EDA: variants seen among roughly 807,000 people sequenced by gnomAD.
The protein encoded by EDA is ectodysplasin A, also known as ectodysplasin-A.
A neutral mutation model predicts 23.6 loss-of-function variants in EDA; 2 were observed. That is an observed-to-expected ratio of 0.08 (90% CI 0.03 to 0.27). The LOEUF is 0.27. Among genes scored for constraint, EDA ranks in the 10% least tolerant of loss-of-function variants. The pLI is 1.00. For missense variants in EDA, 229 were observed against 324.2 expected (o/e 0.71, Z 2.26); for synonymous variants, 131 against 132.0 (o/e 0.99, Z 0.05).
chrX:69,981,443 T>C (rs775155741), intron 2 of EDA, among the ~76,000 whole-genome samples: 1 of 107,601 alleles, frequency 9.3e-6, no homozygotes, highest in South Asian at 4.4e-4. Context: ...GGATTAGAGA[T>C]AGTAAGTAAT....
intron 2 of EDA, among the ~76,000 whole-genome samples, chrX:70,000,634 T>C (rs1275269563): frequency 8.9e-6 from 1 of 112,410 alleles, no homozygotes; most frequent in Non-Finnish European, 1.9e-5. Context: ...TATATGGTTA[T>C]AGAATTTTGC....
At chrX:69,777,274 G>T (rs1352975104) in intron 1 of EDA, among the ~76,000 whole-genome samples, 3 of 110,170 alleles carry the variant, frequency 2.7e-5, no homozygotes, top group African/African-American at 9.9e-5. Flanking sequence ...GTGGGTAGGT[G>T]AGTATTTTGT....
At chrX:69,773,687 C>T (rs1051889337) in intron 1 of EDA, among the ~76,000 whole-genome samples, 1 of 111,532 alleles carries the variant, frequency 9.0e-6, no homozygotes, top group African/African-American at 3.3e-5. Context: ...AGATGTTGCA[C>T]ATCTTTTCAT....
At chrX:69,790,499 G>A (rs1373491661) in intron 1 of EDA, among the ~76,000 whole-genome samples, 3 of 111,779 alleles carry the variant, frequency 2.7e-5, no homozygotes, top group Non-Finnish European at 5.6e-5. Context: ...GACCCACTCA[G>A]TGACTGAAAT....
chrX:69,706,899 G>A (rs2011749062), intron 1 of EDA, among the ~76,000 whole-genome samples: 1 of 111,556 alleles, frequency 9.0e-6, no homozygotes, highest in African/African-American at 3.3e-5. Context: ...GCCTGGACCA[G>A]TCTCTCAGGT....
At chrX:69,829,417 T>G (rs1439589729) in intron 1 of EDA, among the ~76,000 whole-genome samples, 2 of 112,352 alleles carry the variant, frequency 1.8e-5, no homozygotes, top group African/African-American at 6.5e-5. Flanking sequence ...AAGTGGTCCT[T>G]TTTCTGTTAC....
chrX:70,028,167 T>G, intron 4 of EDA, 131 bp downstream of exon 4: 3 of 1,058,796 alleles, frequency 2.8e-6, no homozygotes, highest in Non-Finnish European at 3.7e-6. Context: ...GCAGATCTCC[T>G]AGCCCAGTGT....
chrX:69,740,984 A>G (rs1186576891), intron 1 of EDA, among the ~76,000 whole-genome samples: 2 of 109,500 alleles, frequency 1.8e-5, no homozygotes, highest in Admixed American at 9.8e-5. Flanking sequence ...TACAACTTCC[A>G]TATATATTTT....
chrX:69,891,129 A>G (rs1358132165), intron 1 of EDA, among the ~76,000 whole-genome samples: 1 of 112,481 alleles, frequency 8.9e-6, no homozygotes, highest in African/African-American at 3.2e-5. Context: ...AAACATATGA[A>G]CAAAAGCTCA....
intron 1 of EDA, among the ~76,000 whole-genome samples, chrX:69,862,799 C>T (rs768763648): frequency 9.0e-6 from 1 of 110,866 alleles, no homozygotes; most frequent in East Asian, 2.8e-4. Context: ...AGAGTAACTA[C>T]AACACAAATG....
chrX:69,931,368 C>T (rs2018595809), intron 1 of EDA, among the ~76,000 whole-genome samples: 1 of 111,556 alleles, frequency 9.0e-6, no homozygotes, highest in South Asian at 3.7e-4. Context: ...ATAAAAAGCA[C>T]ACAACTCAAT....
intron 2 of EDA, among the ~76,000 whole-genome samples, chrX:70,004,416 G>A (rs1037980595): frequency 1.8e-5 from 2 of 111,851 alleles, no homozygotes; most frequent in South Asian, 3.7e-4. Flanking sequence ...TTTTTGTCAC[G>A]CTTTACAGCA....
chrX:69,941,259 T>C (rs2147688676), intron 1 of EDA, among the ~76,000 whole-genome samples: 1 of 111,836 alleles, frequency 8.9e-6, no homozygotes, highest in Non-Finnish European at 1.9e-5. Flanking sequence ...TTGGATGAAA[T>C]GTTACGTGAA....
chrX:69,677,507 T>C, intron 1 of EDA, among the ~76,000 whole-genome samples: 1 of 111,701 alleles, frequency 9.0e-6, no homozygotes, highest in African/African-American at 3.3e-5. Context: ...CCTGACTTTT[T>C]AATGATCGCC....
At chrX:69,782,261 A>G (rs2014967887) in intron 1 of EDA, among the ~76,000 whole-genome samples, 1 of 107,011 alleles carries the variant, frequency 9.3e-6, no homozygotes. Flanking sequence ...GACTGGGAGG[A>G]GGAAGAGAAA....
At chrX:69,890,109 A>G (rs778628087) in intron 1 of EDA, among the ~76,000 whole-genome samples, 2 of 111,468 alleles carry the variant, frequency 1.8e-5, no homozygotes, top group East Asian at 5.7e-4. Context: ...TACATGGTGA[A>G]TGAACTCCCA....
intron 1 of EDA, among the ~76,000 whole-genome samples, chrX:69,833,813 A>T (rs991335879): frequency 1.8e-5 from 2 of 110,656 alleles, no homozygotes; most frequent in Non-Finnish European, 3.8e-5. Flanking sequence ...CTTTCTTTAT[A>T]TATATATACT....
At chrX:69,623,386 A>G (rs1031092970) in intron 1 of EDA, among the ~76,000 whole-genome samples, 2 of 111,716 alleles carry the variant, frequency 1.8e-5, no homozygotes, top group Non-Finnish European at 3.8e-5. Context: ...ACGTGGTGGA[A>G]GGGATAAATG....
Position 69,678,141 on chromosome X carries a change from A to G in EDA, c.396+61437A>G, listed in dbSNP as rs1231707157. Among the ~76,000 whole-genome samples the G allele has an allele frequency of 9.0e-5, 10 of 110,769 alleles. 1 individual carries two copies. The highest frequency in any genetic ancestry group is 2.8e-4 in the East Asian group (1 of 3,533). Reference sequence around the variant, plus strand: ...AAGATCAGATAGTTGTAGATATGCGACGTTATTCCTGAGGGCTCTGTTCTG... The same window carrying G: ...AAGATCAGATAGTTGTAGATATGCGGCGTTATTCCTGAGGGCTCTGTTCTG... On this transcript the variant is annotated intron_variant, in intron 1 of 7. Transcript: ENST00000374552.
Sources: allele counts gnomAD v4.1 joint callset (sites outside exome capture counted in the v4.1 genomes callset), GRCh38; gene constraint gnomAD v4.1.1; transcripts MANE v1.5; gene names NCBI Gene and HGNC (gene_info 2026-07-23, HGNC 2026-07-21).